CAMTA1: variants seen among roughly 807,000 people sequenced by gnomAD.
CAMTA1 encodes the protein calmodulin binding transcription activator 1, also known as calmodulin-binding transcription activator 1.
CAMTA1 carries 27 observed loss-of-function variants against 170.9 expected under a neutral mutation model. The observed-to-expected ratio is 0.16, with a 90% CI of 0.12 to 0.22. The LOEUF is 0.22. Ranked by LOEUF, CAMTA1 falls within the 10% of genes least tolerant of loss-of-function variation. The pLI is 1.00. For missense variants in CAMTA1, 1,619 were observed against 2,217.2 expected (o/e 0.73, Z 5.42); for synonymous variants, 833 against 891.5 (o/e 0.93, Z 1.17).
At chr1:7,232,013 T>C (rs1662921723) in intron 4 of CAMTA1, among the ~76,000 whole-genome samples, 1 of 152,220 alleles carries the variant, frequency 6.6e-6, no homozygotes, top group South Asian at 2.1e-4. Flanking sequence ...GTGCATGCGA[T>C]GCCGGGGAGG....
At chr1:6,902,084 T>TAAA (rs143405526) in intron 3 of CAMTA1, among the ~76,000 whole-genome samples, 10 of 105,058 alleles carry the variant, frequency 9.5e-5, no homozygotes, top group Non-Finnish European at 4.0e-5. Context: ...AAAAAAAAAA[T>TAAA]AAAAATAAAA....
intron 5 of CAMTA1, among the ~76,000 whole-genome samples, chr1:7,284,162 C>T (rs185371884): frequency 8.5e-6 from 1 of 117,404 alleles, no homozygotes; most frequent in Non-Finnish European, 1.7e-5. Context: ...TCTTCTTCTT[C>T]TTCTTCTTCT....
In CAMTA1 at chr1:7,683,181, C is replaced by CAAA. The variant is rs34814185; in HGVS notation, c.2914+5464_2914+5466dup. On this transcript the variant is annotated intron_variant, in intron 11 of 22. Coordinates refer to ENST00000303635, the MANE Select transcript of CAMTA1 (RefSeq NM_015215.4). ...TGGGTGACAGAGCGAGACTCTGTCTCAAAAAAAAAAAAAAAAAAGAACATA... is the reference window on the plus strand; with the variant it reads ...TGGGTGACAGAGCGAGACTCTGTCTCAAAAAAAAAAAAAAAAAAAAAGAACATA... Among the ~76,000 whole-genome samples the CAAA allele has an allele frequency of 1.4e-3, 123 of 89,452 alleles. 5 individuals carry two copies. The highest frequency in any genetic ancestry group is 0.012 in the East Asian group (35 of 2,970). 58.7% of individuals were successfully genotyped at this position (89,452 alleles called of 152,430 possible). A position where few individuals can be genotyped will look rare whatever the true frequency, so the allele number is the denominator to read the frequency against.
Position 7,737,373 on chromosome 1 carries a change from G to A in CAMTA1, c.3461G>A (p.Arg1154Gln). ...GRLPLGIARS[R>Q]GHVKLAECLE... ...CTGCCTTTGGGAATTGCCAGGTCACGGGGTCATGTGAAATTAGCAGAGTGT... is the reference window on the plus strand; with the variant it reads ...CTGCCTTTGGGAATTGCCAGGTCACAGGGTCATGTGAAATTAGCAGAGTGT... Residue 1154 changes from arginine (R) to glutamine (Q), a missense_variant, in exon 15 of 23, where the codon CGG becomes CAG. Physicochemically the swap from Arg to Gln is conservative, Grantham distance 43 (BLOSUM62 1). Transcript: ENST00000303635. 1 of 1,614,220 alleles carries A rather than the reference G, an allele frequency of 6.2e-7. No homozygotes were observed. The highest frequency in any genetic ancestry group is 8.5e-7 in the Non-Finnish European group (1 of 1,180,048).
At chr1:7,659,126 G>A (rs3011923) in intron 7 of CAMTA1, among the ~76,000 whole-genome samples, 134,884 of 151,990 alleles carry the variant, frequency 0.89, 60,079 homozygotes, top group East Asian at 1. Context: ...AAGCAGAGGG[G>A]AAGGAAAGGG....
intron 6 of CAMTA1, among the ~76,000 whole-genome samples, chr1:7,498,894 G>A (rs1490752455): frequency 6.8e-6 from 1 of 148,052 alleles, no homozygotes; most frequent in Non-Finnish European, 1.5e-5. Flanking sequence ...AGAGGATGGT[G>A]TGAGCCTGGT....
chr1:7,702,102 G>A (rs1266037563), intron 11 of CAMTA1, among the ~76,000 whole-genome samples: 1 of 152,012 alleles, frequency 6.6e-6, no homozygotes, highest in Non-Finnish European at 1.5e-5. Flanking sequence ...GAGCCCAGCC[G>A]AGAAACAATA....
chr1:7,669,312 C>A (rs1045667725), intron 9 of CAMTA1, among the ~76,000 whole-genome samples: 1 of 152,366 alleles, frequency 6.6e-6, no homozygotes, highest in African/African-American at 2.4e-5. Flanking sequence ...CCTGGCTGGG[C>A]AATGGGAGGA....
chr1:6,944,812 G>A (rs1687314469), intron 3 of CAMTA1, among the ~76,000 whole-genome samples: 1 of 152,224 alleles, frequency 6.6e-6, no homozygotes, highest in Non-Finnish European at 1.5e-5. Context: ...TACGCATTCA[G>A]TAGAAACCAT....
At chr1:6,857,948 C>T (rs1663069064) in intron 3 of CAMTA1, among the ~76,000 whole-genome samples, 1 of 152,124 alleles carries the variant, frequency 6.6e-6, no homozygotes, top group Admixed American at 6.5e-5. Context: ...GCAAGATATG[C>T]CAGGGCAGAG....
At chr1:7,087,637 A>T (rs1464708457) in intron 3 of CAMTA1, among the ~76,000 whole-genome samples, 1 of 152,218 alleles carries the variant, frequency 6.6e-6, no homozygotes, top group Non-Finnish European at 1.5e-5. Context: ...TTCTACAGGT[A>T]CTGGCCATGT....
intron 6 of CAMTA1, among the ~76,000 whole-genome samples, chr1:7,605,125 G>T (rs972375285): frequency 1.3e-5 from 2 of 152,222 alleles, no homozygotes; most frequent in African/African-American, 4.8e-5. Context: ...AGGCTACTCG[G>T]GGGTCAGGGA....
intron 3 of CAMTA1, among the ~76,000 whole-genome samples, chr1:6,832,472 CTT>C (rs1175342572): frequency 6.6e-6 from 1 of 151,782 alleles, no homozygotes; most frequent in Admixed American, 6.6e-5. Flanking sequence ...CTTTGTGTAA[CTT>C]TGTGTTAGGT....
At chr1:7,136,910 G>A (rs1052938113) in intron 4 of CAMTA1, among the ~76,000 whole-genome samples, 10 of 152,148 alleles carry the variant, frequency 6.6e-5, no homozygotes, top group Admixed American at 1.3e-4. Flanking sequence ...ATGCTCCCTG[G>A]TGACCTCTTA....
At chr1:7,287,177 C>T (rs1415971115) in intron 5 of CAMTA1, among the ~76,000 whole-genome samples, 1 of 152,108 alleles carries the variant, frequency 6.6e-6, no homozygotes, top group African/African-American at 2.4e-5. Context: ...AGAGGTGCTA[C>T]CGAGAGGGAT....
intron 3 of CAMTA1, among the ~76,000 whole-genome samples, chr1:7,004,875 C>G (rs1340822359): frequency 6.6e-6 from 1 of 152,208 alleles, no homozygotes; most frequent in Non-Finnish European, 1.5e-5. Flanking sequence ...TCAAACAATT[C>G]TCATGCCTCA....
chr1:7,330,522 A>G (rs765571053), intron 5 of CAMTA1, among the ~76,000 whole-genome samples: 6 of 152,166 alleles, frequency 3.9e-5, no homozygotes, highest in Non-Finnish European at 7.4e-5. Context: ...AGGAACCAGG[A>G]GCACCCACAT....
At chr1:7,031,999 T>G (rs953225020) in intron 3 of CAMTA1, among the ~76,000 whole-genome samples, 1 of 152,164 alleles carries the variant, frequency 6.6e-6, no homozygotes, top group Non-Finnish European at 1.5e-5. Flanking sequence ...GGAGTCCTGC[T>G]CTGTTGCCTG....
intron 6 of CAMTA1, among the ~76,000 whole-genome samples, chr1:7,499,668 T>G: frequency 7.1e-6 from 1 of 141,134 alleles, no homozygotes; most frequent in Admixed American, 7.0e-5. Flanking sequence ...AGTGTGTGCA[T>G]GAGTGTGTGT....
Sources: allele counts gnomAD v4.1 joint callset (sites outside exome capture counted in the v4.1 genomes callset), GRCh38; gene constraint gnomAD v4.1.1; transcripts MANE v1.5; gene names NCBI Gene and HGNC (gene_info 2026-07-23, HGNC 2026-07-21).